WSCD2: variants seen among roughly 807,000 people sequenced by gnomAD.
WSCD2 encodes the protein WSC domain sialate O sulfotransferase 2, also known as sialate:O-sulfotransferase 2.
In WSCD2, 28 loss-of-function variants were observed where a neutral mutation model predicts 55.7. The ratio of observed to expected loss-of-function variants is 0.50; its 90% CI spans 0.37 to 0.69. The LOEUF is 0.69. Ranked by LOEUF, WSCD2 falls within the 30% of genes least tolerant of loss-of-function variation. WSCD2 has a pLI of 0.00. For missense variants in WSCD2, 616 were observed against 762.1 expected (o/e 0.81, Z 2.26); for synonymous variants, 301 against 301.9 (o/e 1.00, Z 0.03).
At chr12:108,240,212 G>A (rs1455808917) in intron 7 of WSCD2, 132 bp from the exon 8 acceptor site, 5 of 1,119,988 alleles carry the variant, frequency 4.5e-6, no homozygotes, top group Non-Finnish European at 6.5e-6. Flanking sequence ...CACATAGTAG[G>A]TGCTCAATAA....
chr12:108,229,547 T>G (rs1253960589), intron 6 of WSCD2, among the ~76,000 whole-genome samples: 3 of 152,202 alleles, frequency 2.0e-5, no homozygotes, highest in Admixed American at 2.0e-4. Flanking sequence ...TTATTAGCCC[T>G]GTTTTATAGG....
At chr12:108,186,864 T>C (rs1592965607) in intron 1 of WSCD2, among the ~76,000 whole-genome samples, 3 of 152,190 alleles carry the variant, frequency 2.0e-5, no homozygotes, top group African/African-American at 7.2e-5. Flanking sequence ...AGTTTTCTCA[T>C]TCAGTGCTGT....
rs766221184 is a variant in WSCD2, at chr12:108,206,275, T to C, written c.383-14T>C. 3.3e-5 allele frequency: 54 copies of C among 1,612,978 alleles called. No individual in the cohort carries two copies. The highest frequency in any genetic ancestry group is 8.5e-6 in the Non-Finnish European group (10 of 1,179,020). On this transcript the variant is annotated splice_polypyrimidine_tract_variant and intron_variant, in intron 2 of 8. Coordinates refer to ENST00000547525, the MANE Select transcript of WSCD2 (RefSeq NM_014653.4). ...TTGTCCCCAGCCACCTTTGACGTTTTCCTTTCCCCAAAGCCAAGTACATCG... is the reference window on the plus strand; with the variant it reads ...TTGTCCCCAGCCACCTTTGACGTTTCCCTTTCCCCAAAGCCAAGTACATCG...
intron 1 of WSCD2, among the ~76,000 whole-genome samples, chr12:108,136,374 G>A (rs1009099312): frequency 2.8e-5 from 2 of 72,608 alleles, no homozygotes; most frequent in African/African-American, 4.6e-5. Flanking sequence ...ATATGATCAC[G>A]AAGGACTTCT....
intron 1 of WSCD2, among the ~76,000 whole-genome samples, chr12:108,156,733 G>A (rs1049879001): frequency 2.0e-5 from 3 of 152,194 alleles, no homozygotes; most frequent in Non-Finnish European, 2.9e-5. Context: ...TCTCTACTGA[G>A]TTGTAGAAAA....
intron 2 of WSCD2, among the ~76,000 whole-genome samples, chr12:108,203,224 T>G (rs1480005526): frequency 6.6e-6 from 1 of 152,218 alleles, no homozygotes; most frequent in South Asian, 2.1e-4. Context: ...AAATGCATTG[T>G]GTCATGTCAT....
At position 108,189,135 on chromosome 12, in the gene WSCD2, A is replaced by T. The variant is rs542878262; in HGVS notation, c.-551-6147A>T. Among the ~76,000 whole-genome samples, 15 of 152,354 alleles carry T rather than the reference A, an allele frequency of 9.8e-5. No individual in the cohort carries two copies. In the East Asian group the frequency reaches 2.3e-3, roughly 24 times the overall value. On this transcript the variant is annotated intron_variant, in intron 1 of 8. Coordinates refer to ENST00000547525, the MANE Select transcript of WSCD2 (RefSeq NM_014653.4). The stretch of plus-strand genomic sequence containing the variant: ...CATTGATATGATATGAATCAACCAT[A>T]TTGATTCCTATTCTAAGGAATCAAC...
intron 7 of WSCD2, among the ~76,000 whole-genome samples, chr12:108,239,343 A>G (rs1889520849): frequency 6.6e-6 from 1 of 152,112 alleles, no homozygotes; most frequent in Admixed American, 6.5e-5. Flanking sequence ...CCCCCAGGAA[A>G]CCTTTCTGGA....
intron 1 of WSCD2, among the ~76,000 whole-genome samples, chr12:108,164,186 G>A (rs1327899145): frequency 7.8e-6 from 1 of 128,790 alleles, no homozygotes; most frequent in Admixed American, 8.4e-5. Flanking sequence ...GTTTGAAAAC[G>A]TCCTACAATG....
intron 6 of WSCD2, among the ~76,000 whole-genome samples, chr12:108,229,142 G>C (rs1888465397): frequency 1.3e-5 from 2 of 152,252 alleles, no homozygotes; most frequent in South Asian, 4.1e-4. Flanking sequence ...CACTGGGGAG[G>C]TTTGACAGTT....
rs1878568023 is a variant in WSCD2, at chr12:108,156,837, TTCCTCTAAG to T, written c.-552+26914_-552+26922del. On this transcript the variant is annotated intron_variant, in intron 1 of 8. Transcript: ENST00000547525. ...AACCCCAACTAGCCATCCAGCATGT[TTCCTCTAAG>T]TCTAGAAACTCTGCTATTCTGAGCC... is the stretch of plus-strand genomic sequence containing the variant. Among the ~76,000 whole-genome samples the T allele has an allele frequency of 3.3e-5, 5 of 152,328 alleles. No individual in the cohort carries two copies. In the South Asian group the frequency reaches 1.0e-3, roughly 32 times the overall value.
At chr12:108,154,230 T>C (rs1363885610) in intron 1 of WSCD2, among the ~76,000 whole-genome samples, 1 of 152,194 alleles carries the variant, frequency 6.6e-6, no homozygotes, top group Non-Finnish European at 1.5e-5. Flanking sequence ...ACTACAGTTC[T>C]GAAGGTCAGA....
intron 1 of WSCD2, among the ~76,000 whole-genome samples, chr12:108,161,392 G>A (rs1326395898): frequency 6.6e-6 from 1 of 152,154 alleles, no homozygotes; most frequent in Non-Finnish European, 1.5e-5. Flanking sequence ...AATCCAATGT[G>A]ACTGGTGTTC....
chr12:108,134,607 G>A (rs1212810689), intron 1 of WSCD2, among the ~76,000 whole-genome samples: 1 of 152,082 alleles, frequency 6.6e-6, no homozygotes, highest in Non-Finnish European at 1.5e-5. Flanking sequence ...ACACACCACT[G>A]TCATGGTCAT....
At chr12:108,240,882 T>C (rs1323961508) in intron 8 of WSCD2, among the ~76,000 whole-genome samples, 1 of 152,184 alleles carries the variant, frequency 6.6e-6, no homozygotes, top group Non-Finnish European at 1.5e-5. Flanking sequence ...CTCCCTGAAC[T>C]TACATGGCCC....
Position 108,248,951 on chromosome 12 carries a change from G to C in WSCD2, c.*608G>C, listed in dbSNP as rs762924839. On this transcript the variant is annotated 3_prime_UTR_variant, in exon 9 of 9. Transcript: ENST00000547525. The surrounding 1 kb of genome is among the most constrained non-coding windows in gnomAD (Gnocchi z 4.3). Reference sequence around the variant, plus strand: ...AATGGTGCTCACAGTAGGTTAATTGGAGACACCATGTGGGGCCATTGGTGT... The same window carrying C: ...AATGGTGCTCACAGTAGGTTAATTGCAGACACCATGTGGGGCCATTGGTGT... 54 of 981,304 alleles carry C rather than the reference G, an allele frequency of 5.5e-5. No homozygotes were observed. The highest frequency in any genetic ancestry group is 6.4e-5 in the Non-Finnish European group (53 of 825,780). 60.8% of individuals were successfully genotyped at this position (981,304 alleles called of 1,614,324 possible). A position where few individuals can be genotyped will look rare whatever the true frequency, so the allele number is the denominator to read the frequency against.
intron 4 of WSCD2, among the ~76,000 whole-genome samples, chr12:108,224,015 T>G (rs529642092): frequency 1.3e-5 from 2 of 152,296 alleles, no homozygotes; most frequent in South Asian, 4.1e-4. Flanking sequence ...AATGAAACAT[T>G]TGTCTCAGGC....
Position 108,207,533 on chromosome 12 carries a change from C to CTT in WSCD2, c.497+1155_497+1156dup, listed in dbSNP as rs35090663. Among the ~76,000 whole-genome samples the CTT allele has an allele frequency of 5.6e-4, 30 of 53,620 alleles. 1 individual carries two copies. The highest frequency in any genetic ancestry group is 1.2e-3 in the African/African-American group (14 of 11,624). 35.2% of individuals were successfully genotyped at this position (53,620 alleles called of 152,430 possible). A position where few individuals can be genotyped will look rare whatever the true frequency, so the allele number is the denominator to read the frequency against. On this transcript the variant is annotated intron_variant, in intron 3 of 8. Transcript: ENST00000547525. Reference sequence around the variant, plus strand: ...TACAGGCGCATGCCACCATGCCTGGCTTTTTTTTTTTTTTTTTTTTTTTTT... The same window carrying CTT: ...TACAGGCGCATGCCACCATGCCTGGCTTTTTTTTTTTTTTTTTTTTTTTTTTT...
intron 1 of WSCD2, among the ~76,000 whole-genome samples, chr12:108,186,194 T>G (rs1410364906): frequency 6.6e-6 from 1 of 152,172 alleles, no homozygotes; most frequent in Non-Finnish European, 1.5e-5. Context: ...GTCCCCCCTT[T>G]TTAAATAGAC....
Sources: allele counts gnomAD v4.1 joint callset (sites outside exome capture counted in the v4.1 genomes callset), GRCh38; gene constraint gnomAD v4.1.1; non-coding constraint Gnocchi (gnomAD v3.1); transcripts MANE v1.5; gene names NCBI Gene and HGNC (gene_info 2026-07-23, HGNC 2026-07-21).